GNG7: variants seen among roughly 807,000 people sequenced by gnomAD.
GNG7 encodes the protein G protein subunit gamma 7, also known as guanine nucleotide-binding protein G(I)/G(S)/G(O) subunit gamma-7.
A neutral mutation model predicts 4.0 loss-of-function variants in GNG7; 1 was observed. The observed-to-expected ratio is 0.25, with a 90% confidence interval of 0.09 to 1.18. GNG7 has a LOEUF of 1.18. Ranked by LOEUF, GNG7 falls within the 50% of genes most tolerant of loss-of-function variation. GNG7 has a pLI of 0.50. For missense variants in GNG7, 86 were observed against 91.9 expected, an observed-to-expected ratio of 0.94 and a Z score of 0.26; for synonymous variants, 34 against 36.9, an observed-to-expected ratio of 0.92 and a Z score of 0.29.
chr19:2,512,819 C>G lies in GNG7; in HGVS notation c.*2203G>C, dbSNP rs538969090. ...GCTTGTTGGAAAGGGTGGAGGCAGG[C>G]GGGCTCTCCCTGCCTGGGGTCCTCC... is the stretch of plus-strand genomic sequence containing the variant. On this transcript the variant is annotated 3_prime_UTR_variant, in exon 5 of 5. Transcript: ENST00000382159. The surrounding 1 kb of genome is among the most constrained non-coding windows in gnomAD (Gnocchi z 4.7). 1.3e-6 allele frequency: 1 copy of G among 784,068 alleles called. No individual in the cohort carries two copies. The highest frequency in any genetic ancestry group is 1.5e-6 in the Non-Finnish European group (1 of 645,798). The allele number at this position is 784,068 out of a possible 1,614,324, so 48.6% of individuals were successfully genotyped here. A position where few individuals can be genotyped will look rare whatever the true frequency, so the allele number is the denominator to read the frequency against.
chr19:2,598,704 T>G, intron 2 of GNG7, among the ~76,000 whole-genome samples: 1 of 147,478 alleles, frequency 6.8e-6, no homozygotes, highest in Non-Finnish European at 1.5e-5. Flanking sequence ...ATAATAATAA[T>G]AATAATAATA....
Position 2,617,620 on chromosome 19 carries a change from G to T in GNG7, c.-78+28604C>A, listed in dbSNP as rs1026694751. On this transcript the variant is annotated intron_variant, in intron 2 of 4. Transcript: ENST00000382159. The surrounding 1 kb of genome is among the most constrained non-coding windows in gnomAD (Gnocchi z 4.7). ...TCAATGCTCCTCCCCATCCTGCAGG[G>T]GTTGGCAAGGATGTCCCCTCCTTAG... Among the ~76,000 whole-genome samples, 1 of 152,088 alleles carries T rather than the reference G, an allele frequency of 6.6e-6. No homozygotes were observed. The highest frequency in any genetic ancestry group is 1.5e-5 in the Non-Finnish European group (1 of 68,018).
At chr19:2,554,552 TATA>T (rs1216660939) in intron 3 of GNG7, among the ~76,000 whole-genome samples, 4 of 62,506 alleles carry the variant, frequency 6.4e-5, no homozygotes, top group African/African-American at 2.4e-4. Context: ...GCTATATATA[TATA>T]TATATTTTTT....
intron 2 of GNG7, among the ~76,000 whole-genome samples, chr19:2,615,457 T>G (rs1167240777): frequency 1.6e-5 from 1 of 63,340 alleles, no homozygotes; most frequent in South Asian, 5.7e-4. Context: ...TTTTCCGGTT[T>G]TTTTTTTTTT....
chr19:2,568,274 T>G (rs62646517), intron 2 of GNG7, among the ~76,000 whole-genome samples: 61,519 of 146,716 alleles, frequency 0.42, 12,717 homozygotes, highest in Admixed American at 0.54. Flanking sequence ...TAGAGACACA[T>G]ATAGACTTAC....
chr19:2,686,267 C>T (rs562468509), intron 1 of GNG7, among the ~76,000 whole-genome samples: 2 of 152,176 alleles, frequency 1.3e-5, no homozygotes, highest in Non-Finnish European at 2.9e-5. Flanking sequence ...AAGCGATTCT[C>T]CTGCCTCAGC....
intron 2 of GNG7, among the ~76,000 whole-genome samples, chr19:2,629,676 T>C (rs1252099064): frequency 6.6e-6 from 1 of 152,120 alleles, no homozygotes; most frequent in African/African-American, 2.4e-5. Flanking sequence ...CACACGGTGA[T>C]TGGAACCTGG....
intron 1 of GNG7, among the ~76,000 whole-genome samples, chr19:2,661,338 A>T (rs1983169378): frequency 6.8e-6 from 1 of 146,914 alleles, no homozygotes; most frequent in African/African-American, 2.5e-5. Flanking sequence ...GAAAGAAAGA[A>T]AGAAAGAAAG....
chr19:2,593,932 A>AAAG, intron 2 of GNG7, among the ~76,000 whole-genome samples: 1 of 151,618 alleles, frequency 6.6e-6, no homozygotes, highest in East Asian at 1.9e-4. Flanking sequence ...TGATGCCAAA[A>AAAG]AAAAAAAAAA....
At chr19:2,615,454 GTTTTTTTTTT>G (rs56036626) in intron 2 of GNG7, among the ~76,000 whole-genome samples, 1 of 48,814 alleles carries the variant, frequency 2.0e-5, no homozygotes, top group Non-Finnish European at 3.8e-5. Flanking sequence ...GTCTTTTCCG[GTTTTTTTTTT>G]TTTTTTTTTT....
intron 2 of GNG7, among the ~76,000 whole-genome samples, chr19:2,595,524 A>C (rs186587163): frequency 0.012 from 1,874 of 152,042 alleles, 43 homozygotes; most frequent in African/African-American, 0.043. Flanking sequence ...GCCTGAGCTC[A>C]GGAGTTTGAG....
chr19:2,635,512 C>T (rs568334684), intron 2 of GNG7, among the ~76,000 whole-genome samples: 1 of 152,036 alleles, frequency 6.6e-6, no homozygotes, highest in Non-Finnish European at 1.5e-5. Context: ...TCAGTGTGTG[C>T]AGCCTCCTGG....
At chr19:2,657,619 G>A (rs1253641433) in intron 1 of GNG7, among the ~76,000 whole-genome samples, 1 of 150,620 alleles carries the variant, frequency 6.6e-6, no homozygotes, top group African/African-American at 2.4e-5. Flanking sequence ...AGAGGCTGAG[G>A]CAGGAGGATC....
rs147493882 is a variant in GNG7 at position 2,536,160 on chromosome 19, G to A, written c.-37-15435C>T. ...AGGCCGGGCGCGGTGGCTCCCACCCGTAATCCCAGCACTTTGGGAGGCCGA... is the reference window on the plus strand; with the variant it reads ...AGGCCGGGCGCGGTGGCTCCCACCCATAATCCCAGCACTTTGGGAGGCCGA... On this transcript the variant is annotated intron_variant, in intron 3 of 4. Transcript: ENST00000382159. Among the ~76,000 whole-genome samples, 52 of 152,174 alleles carry A rather than the reference G, an allele frequency of 3.4e-4. No individual in the cohort carries two copies. The East Asian group carries it at 6.9e-3, about 20-fold the overall frequency.
At chr19:2,624,659 G>A (rs932450601) in intron 2 of GNG7, among the ~76,000 whole-genome samples, 9 of 152,112 alleles carry the variant, frequency 5.9e-5, no homozygotes, top group East Asian at 3.9e-4. Flanking sequence ...TCTCGTCTCC[G>A]GAGCAGTGAC....
chr19:2,555,908 AG>A (rs35769339), intron 2 of GNG7, among the ~76,000 whole-genome samples: 50 of 151,676 alleles, frequency 3.3e-4, no homozygotes, highest in African/African-American at 1.1e-3. Flanking sequence ...ACGGATCGCG[AG>A]GGGGGGCCCA....
intron 3 of GNG7, among the ~76,000 whole-genome samples, chr19:2,528,323 A>G (rs1173078521): frequency 1.3e-5 from 2 of 148,484 alleles, no homozygotes; most frequent in African/African-American, 2.5e-5. Flanking sequence ...CTGTAATCCC[A>G]GCACTTTGGG....
At chr19:2,577,374 C>T (rs559106945) in intron 2 of GNG7, among the ~76,000 whole-genome samples, 13 of 152,280 alleles carry the variant, frequency 8.5e-5, no homozygotes, top group Non-Finnish European at 1.5e-4. Flanking sequence ...GGTTGTAGGA[C>T]CGGGGTCCCT....
At chr19:2,568,317 A>ACG (rs1568246910) in intron 2 of GNG7, among the ~76,000 whole-genome samples, 51 of 151,928 alleles carry the variant, frequency 3.4e-4, no homozygotes, top group African/African-American at 9.0e-4. Flanking sequence ...ATACACACGC[A>ACG]CACACACATA....
Sources: gnomAD v4.1 joint callset for allele counts (sites outside exome capture counted in the v4.1 genomes callset) on GRCh38, gnomAD v4.1.1 for gene constraint, Gnocchi (gnomAD v3.1) non-coding constraint, MANE v1.5 for transcripts, NCBI Gene and HGNC (gene_info 2026-07-23, HGNC 2026-07-21) for gene names.